IL19: variants seen among roughly 807,000 people sequenced by gnomAD.
The protein encoded by IL19 is interleukin 19.
IL19 carries 15 observed loss-of-function variants against 19.5 expected under a neutral mutation model. The ratio of observed to expected loss-of-function variants is 0.77; its 90% CI spans 0.52 to 1.19. The LOEUF is 1.19. IL19 is among the 50% of genes most tolerant of loss of function. IL19 has a pLI of 0.00. For synonymous variants in IL19, 78 were observed against 78.3 expected, an observed-to-expected ratio of 1.00 and a Z score of 0.02; for missense variants, 199 against 213.1, an observed-to-expected ratio of 0.93 and a Z score of 0.41.
In IL19 at chr1:206,835,982, G is replaced by A. The variant is rs1182921321; in HGVS notation, c.-2-679G>A. Among the ~76,000 whole-genome samples the A allele has an allele frequency of 1.3e-5, 2 of 152,220 alleles. 1 individual carries two copies. The highest frequency in any genetic ancestry group is 4.1e-4 in the South Asian group (2 of 4,828). ...CTATGAAGCAGCTAGCTGCAAACAT[G>A]CCCCTCATACCCTTTGGCTCAGCAG... On this transcript the variant is annotated intron_variant, in intron 2 of 6. Coordinates refer to ENST00000659997, the MANE Select transcript of IL19 (RefSeq NM_153758.5).
chr1:206,812,475 C>G (rs1239755261), intron 2 of IL19, among the ~76,000 whole-genome samples: 1 of 152,184 alleles, frequency 6.6e-6, no homozygotes, highest in Non-Finnish European at 1.5e-5. Context: ...ACTGGGGCGA[C>G]TGATTACCAA....
chr1:206,815,194 G>T (rs982308058), intron 2 of IL19, among the ~76,000 whole-genome samples: 1 of 152,144 alleles, frequency 6.6e-6, no homozygotes, highest in Admixed American at 6.5e-5. Context: ...GATCATTTAT[G>T]GCTGGGTTCC....
chr1:206,839,807 T>C (rs1676937710), intron 4 of IL19, 43 bp from the exon 5 acceptor site: 3 of 1,553,384 alleles, frequency 1.9e-6, no homozygotes, highest in South Asian at 1.2e-5. Context: ...TCCAACATAA[T>C]GAGAGAAGAG....
intron 2 of IL19, among the ~76,000 whole-genome samples, chr1:206,816,262 G>T (rs1015067580): frequency 6.6e-6 from 1 of 152,096 alleles, no homozygotes. Context: ...GGTACTACAT[G>T]CGTAAATGTA....
chr1:206,805,306 A>G (rs1364003921), intron 2 of IL19, among the ~76,000 whole-genome samples: 2 of 152,204 alleles, frequency 1.3e-5, no homozygotes, highest in African/African-American at 2.4e-5. Context: ...ACAGATATAT[A>G]CCAGGTGGTA....
chr1:206,798,158 T>TG (rs1553439436), intron 1 of IL19, among the ~76,000 whole-genome samples: 6 of 152,148 alleles, frequency 3.9e-5, no homozygotes, highest in Non-Finnish European at 4.4e-5. Flanking sequence ...TTTTTTGAGA[T>TG]GGGGTCTCAC....
At chr1:206,823,831 G>C (rs992802855) in intron 2 of IL19, among the ~76,000 whole-genome samples, 3 of 152,172 alleles carry the variant, frequency 2.0e-5, no homozygotes, top group Non-Finnish European at 4.4e-5. Flanking sequence ...TGATGGGAAG[G>C]CTTCTCAGCC....
intron 2 of IL19, among the ~76,000 whole-genome samples, chr1:206,799,917 G>A (rs908947499): frequency 2.6e-5 from 4 of 152,112 alleles, no homozygotes; most frequent in Admixed American, 2.6e-4. Flanking sequence ...TCTATCTTGT[G>A]TACTATTATT....
chr1:206,821,025 A>G (rs752809173), intron 2 of IL19, among the ~76,000 whole-genome samples: 20 of 152,098 alleles, frequency 1.3e-4, no homozygotes, highest in Non-Finnish European at 2.4e-4. Context: ...ACTGTGTTCC[A>G]CAGCATGCTT....
chr1:206,828,884 T>G (rs1558620368), intron 2 of IL19: 1 of 152,090 alleles, frequency 6.6e-6, no homozygotes. Context: ...CAGGCTGGAG[T>G]GCAATGGTGA....
At chr1:206,784,297 A>C (rs941098655) in intron 1 of IL19, among the ~76,000 whole-genome samples, 2 of 152,046 alleles carry the variant, frequency 1.3e-5, no homozygotes, top group Non-Finnish European at 2.9e-5. Flanking sequence ...TGATTCCCCT[A>C]TCTCTCCTCC....
intron 1 of IL19, among the ~76,000 whole-genome samples, chr1:206,795,434 A>G (rs762278414): frequency 3.3e-5 from 5 of 152,170 alleles, no homozygotes; most frequent in Non-Finnish European, 7.4e-5. Context: ...CCAAGCAGGT[A>G]TGCTTAAATT....
At chr1:206,837,656 C>T (rs894544518) in intron 4 of IL19, among the ~76,000 whole-genome samples, 1 of 152,026 alleles carries the variant, frequency 6.6e-6, no homozygotes, top group Non-Finnish European at 1.5e-5. Context: ...TGAGACCAGC[C>T]AGAGCAACAT....
chr1:206,832,218 C>G (rs746575553), intron 2 of IL19, among the ~76,000 whole-genome samples: 13 of 152,396 alleles, frequency 8.5e-5, no homozygotes, highest in Non-Finnish European at 1.9e-4. Context: ...TTCTCCTTTT[C>G]CAGGTGCCTG....
chr1:206,796,468 T>C (rs1462736011), intron 1 of IL19, among the ~76,000 whole-genome samples: 2 of 152,378 alleles, frequency 1.3e-5, no homozygotes, highest in Non-Finnish European at 1.5e-5. Context: ...ACCATTGTTT[T>C]TCCCCCATGA....
At chr1:206,771,542 A>G in intron 1 of IL19, 1 of 769,756 alleles carries the variant, frequency 1.3e-6, no homozygotes. Context: ...CAAAAAAATC[A>G]AAAGGGGAGT....
intron 1 of IL19, among the ~76,000 whole-genome samples, chr1:206,774,117 T>C (rs1674932513): frequency 6.6e-6 from 1 of 152,186 alleles, no homozygotes. Context: ...TGCAAACACC[T>C]TGGGGCCCAG....
chr1:206,771,348 G>GC, intron 1 of IL19: 4 of 1,612,174 alleles, frequency 2.5e-6, no homozygotes, highest in Non-Finnish European at 3.4e-6. Flanking sequence ...CCCCGCCCCT[G>GC]CTCTCACCTT....
chr1:206,795,073 G>A (rs771076904), intron 1 of IL19, among the ~76,000 whole-genome samples: 6 of 152,144 alleles, frequency 3.9e-5, no homozygotes, highest in Non-Finnish European at 8.8e-5. Flanking sequence ...GTGTCTTTCA[G>A]GGCCTTTCAT....
Sources: gnomAD v4.1 joint callset for allele counts (sites outside exome capture counted in the v4.1 genomes callset) on GRCh38, gnomAD v4.1.1 for gene constraint, MANE v1.5 for transcripts, NCBI Gene and HGNC (gene_info 2026-07-23, HGNC 2026-07-21) for gene names.